Variants in ANK3 observed in about 807,000 individuals in gnomAD.
ANK3 encodes ankyrin 3.
ANK3 carries 57 observed loss-of-function variants against 370.9 expected under a neutral mutation model. The observed-to-expected ratio is 0.15, with a 90% CI of 0.12 to 0.19. The LOEUF is 0.19. Among genes scored for constraint, ANK3 ranks in the 10% least tolerant of loss-of-function variants. The probability of loss-of-function intolerance (pLI) is 1.00; values close to 1 mark genes in which losing one functional copy is unlikely to be tolerated. For missense variants in ANK3, 4,439 were observed against 5,302.1 expected (o/e 0.84, Z 5.06); for synonymous variants, 1,929 against 1,946.3 (o/e 0.99, Z 0.23).
At chr10:60,323,677 G>A (rs1249584864) in intron 1 of ANK3, among the ~76,000 whole-genome samples, 8 of 152,158 alleles carry the variant, frequency 5.3e-5, no homozygotes, top group Non-Finnish European at 7.3e-5. Context: ...AAATGGACAA[G>A]GGATATCACC....
intron 2 of ANK3, among the ~76,000 whole-genome samples, chr10:60,593,442 A>G (rs780979202): frequency 1.2e-4 from 19 of 152,218 alleles, no homozygotes; most frequent in Non-Finnish European, 2.6e-4. Flanking sequence ...TTAAGTACTT[A>G]AGGGCAGGTA....
At chr10:60,700,467 C>T (rs192278808) in intron 1 of ANK3, among the ~76,000 whole-genome samples, 29 of 152,106 alleles carry the variant, frequency 1.9e-4, no homozygotes, top group East Asian at 3.9e-4. Context: ...TGGAATTAGA[C>T]GTCAATTCTG....
At chr10:60,031,941 C>T (rs888356198) in intron 43 of ANK3, among the ~76,000 whole-genome samples, 5 of 151,986 alleles carry the variant, frequency 3.3e-5, no homozygotes, top group Non-Finnish European at 7.4e-5. Flanking sequence ...TGCTGAGGTT[C>T]CAAAGAAGGA....
intron 13 of ANK3, among the ~76,000 whole-genome samples, chr10:60,199,561 T>C (rs1040166988): frequency 6.6e-6 from 1 of 152,116 alleles, no homozygotes; most frequent in African/African-American, 2.4e-5. Flanking sequence ...TGAAATTAAG[T>C]GGTTTATGAT....
Position 60,070,016 on chromosome 10 carries a change from C to T in ANK3, c.10865G>A (p.Arg3622Lys). 6.2e-7 allele frequency: 1 copy of T among 1,614,114 alleles called. No homozygotes were observed. The change falls in exon 37 of 44, where the codon AGG becomes AAG. Residue 3622 changes from arginine to lysine, a missense_variant. This residue lies in a region of ANK3 where 496 missense variants were observed against 529.3 expected (regional missense o/e 0.94). Coordinates refer to ENST00000280772, the MANE Select transcript of ANK3 (RefSeq NM_020987.5). This position sits in a 1 kb window ranked among gnomAD's most constrained non-coding sequence, Gnocchi z 5.7. The stretch of plus-strand genomic sequence containing the variant: ...TTGGAGCCTCTCTTCAACAAAATCC[C>T]TCTTGCTCATGTCAATTGCACCACT... ...TRSGAIDMSK[R>K]DFVEERLQFF...
At chr10:60,660,076 C>T (rs1010929820) in intron 1 of ANK3, among the ~76,000 whole-genome samples, 21 of 151,956 alleles carry the variant, frequency 1.4e-4, no homozygotes, top group African/African-American at 4.3e-4. Context: ...GTATATTTTT[C>T]CTTGTGAACT....
chr10:60,375,699 T>C (rs956718249), intron 1 of ANK3, among the ~76,000 whole-genome samples: 1 of 152,182 alleles, frequency 6.6e-6, no homozygotes, highest in African/African-American at 2.4e-5. Flanking sequence ...TTCTTCCTAC[T>C]AGAAATTTGG....
intron 1 of ANK3, among the ~76,000 whole-genome samples, chr10:60,732,778 G>A (rs2080042476): frequency 6.6e-6 from 1 of 151,612 alleles, no homozygotes; most frequent in South Asian, 2.1e-4. Flanking sequence ...GGTGATTTCC[G>A]AACCAGGTGA....
At chr10:60,293,953 G>A (rs2132766107) in intron 1 of ANK3, among the ~76,000 whole-genome samples, 1 of 152,226 alleles carries the variant, frequency 6.6e-6, no homozygotes, top group Non-Finnish European at 1.5e-5. Flanking sequence ...CATTTATTTG[G>A]TATGTTATGA....
intron 1 of ANK3, chr10:60,685,282 T>A (rs2079252825): frequency 9.2e-6 from 2 of 217,542 alleles, no homozygotes; most frequent in Non-Finnish European, 1.0e-5. Flanking sequence ...CTTCTCCCTA[T>A]CCCACAAATC....
At chr10:60,700,343 C>A (rs566474980) in intron 1 of ANK3, among the ~76,000 whole-genome samples, 3 of 152,118 alleles carry the variant, frequency 2.0e-5, no homozygotes, top group African/African-American at 7.2e-5. Flanking sequence ...ATTTAAAATG[C>A]CTAAATCTTA....
intron 1 of ANK3, among the ~76,000 whole-genome samples, chr10:60,691,465 G>A (rs770396698): frequency 2.9e-4 from 44 of 152,094 alleles, no homozygotes; most frequent in East Asian, 9.6e-4. Context: ...AAGAACCAAC[G>A]TAAAGCATTT....
At chr10:60,351,094 G>A (rs1414347109) in intron 1 of ANK3, among the ~76,000 whole-genome samples, 2 of 152,002 alleles carry the variant, frequency 1.3e-5, no homozygotes, top group Non-Finnish European at 2.9e-5. Context: ...ACTTCTTTCT[G>A]TTCAGTGAAA....
chr10:60,450,108 G>A (rs1348875395), intron 2 of ANK3, among the ~76,000 whole-genome samples: 1 of 151,920 alleles, frequency 6.6e-6, no homozygotes, highest in African/African-American at 2.4e-5. Flanking sequence ...ACCAGCCTGG[G>A]GAACATAGTG....
chr10:60,277,984 C>G (rs961552583), intron 4 of ANK3, among the ~76,000 whole-genome samples: 3 of 152,156 alleles, frequency 2.0e-5, no homozygotes, highest in African/African-American at 4.8e-5. Flanking sequence ...ATAATGAATA[C>G]TTGAATAATG....
intron 1 of ANK3, among the ~76,000 whole-genome samples, chr10:60,355,133 G>A (rs1017755246): frequency 1.3e-5 from 2 of 152,058 alleles, no homozygotes. Context: ...TTAATCCCGG[G>A]TATTGAGGCT....
chr10:60,069,872 TTGGTTTCTACAG>T lies in ANK3; in HGVS notation c.10997_11008del (p.Thr3666_Thr3669del). The stretch of plus-strand genomic sequence containing the variant: ...AGGTGTCTCTACATTTCTCTCTAGA[TTGGTTTCTACAG>T]TGGTGTCCCCTGACTGTGGCTGTGG... On this transcript the variant is annotated inframe_deletion, in exon 37 of 44. Coordinates refer to ENST00000280772, the MANE Select transcript of ANK3 (RefSeq NM_020987.5). 1.9e-6 allele frequency: 3 copies of T among 1,614,064 alleles called. No homozygotes were observed. Among genetic ancestry groups the T allele is most frequent in the Non-Finnish European group, 2.5e-6 (3 of 1,179,984 alleles).
Position 60,502,190 on chromosome 10 carries a change from G to C in ANK3, c.96+112996C>G, listed in dbSNP as rs149786593. On this transcript the variant is annotated intron_variant, in intron 2 of 43. Transcript: ENST00000373827. The stretch of plus-strand genomic sequence containing the variant: ...TGAATTGATGGTAGCCTAGGTACTA[G>C]AGCTACAGGGACAGTTCATGTAGTT... Among the ~76,000 whole-genome samples, 951 of 152,274 alleles carry C rather than the reference G, an allele frequency of 6.2e-3. 10 individuals are homozygous for C. Among genetic ancestry groups the C allele is most frequent in the African/African-American group, 0.021 (881 of 41,552 alleles).
intron 42 of ANK3, among the ~76,000 whole-genome samples, chr10:60,045,199 T>C (rs1276654210): frequency 6.6e-6 from 1 of 152,246 alleles, no homozygotes; most frequent in African/African-American, 2.4e-5. Flanking sequence ...GTGCTCACCA[T>C]TGGCTGGCAT....
Sources: allele counts gnomAD v4.1 joint callset (sites outside exome capture counted in the v4.1 genomes callset), GRCh38; gene constraint gnomAD v4.1.1; regional missense constraint gnomAD v4.1.1; non-coding constraint Gnocchi (gnomAD v3.1); transcripts MANE v1.5; gene names NCBI Gene and HGNC (gene_info 2026-07-23, HGNC 2026-07-21).